The following ZNF782 variants were observed in gnomAD, a reference collection of about 807,000 sequenced individuals.
ZNF782 encodes zinc finger protein 782.
ZNF782 carries 12 observed loss-of-function variants against 13.0 expected under a neutral mutation model. That is an observed-to-expected ratio of 0.92 (90% CI 0.59 to 1.50). The LOEUF is 1.50. Among genes scored for constraint, ZNF782 ranks in the 40% most tolerant of loss-of-function variants. The pLI is 0.00. For synonymous variants in ZNF782, 284 were observed against 283.0 expected (o/e 1.00, Z -0.04); for missense variants, 770 against 822.9 (o/e 0.94, Z 0.79).
chr9:96,893,892 C>T, the ZNF782 span: 1 of 140,368 alleles, frequency 7.1e-6, no homozygotes, highest in Non-Finnish European at 1.5e-5. Flanking sequence ...CCCAGCTACT[C>T]GGGAGGCTGA....
chr9:96,896,642 T>C, the ZNF782 span, among the ~76,000 whole-genome samples: 1 of 152,166 alleles, frequency 6.6e-6, no homozygotes, highest in Non-Finnish European at 1.5e-5. Context: ...AGAGGCAACA[T>C]ATTCCTCAAT....
intron 4 of ZNF782, among the ~76,000 whole-genome samples, chr9:96,839,277 C>CTTTTTTT (rs201411107): frequency 1.5e-4 from 15 of 100,248 alleles, no homozygotes; most frequent in East Asian, 5.3e-4. Flanking sequence ...TTACTTGGGA[C>CTTTTTTT]TTTTTTTTTT....
At chr9:96,932,975 TTTC>T in the ZNF782 span, among the ~76,000 whole-genome samples, 59 of 146,950 alleles carry the variant, frequency 4.0e-4, 1 homozygote, top group East Asian at 0.013. Context: ...TTTCTTTTCT[TTTC>T]TTTTTTTTTT....
chr9:96,817,623 G>C lies in ZNF782; in HGVS notation c.*300C>G. On this transcript the variant is annotated 3_prime_UTR_variant, in exon 6 of 6. Transcript: ENST00000481138. ...ATTACTTTCTCAGAGCTTTTCTGCA[G>C]CGTGAGTTTTCTGAGGAGTGAGTTC... 1 of 261,736 alleles carries C rather than the reference G, an allele frequency of 3.8e-6. No individual in the cohort carries two copies. Among genetic ancestry groups the C allele is most frequent in the Non-Finnish European group, 7.1e-6 (1 of 140,508 alleles). The allele number at this position is 261,736 out of a possible 1,614,324, so 16.2% of individuals were successfully genotyped here.
the ZNF782 span, among the ~76,000 whole-genome samples, chr9:96,933,187 C>T: frequency 2.8e-3 from 411 of 145,760 alleles, 4 homozygotes; most frequent in African/African-American, 9.3e-3. Context: ...ACCATGTTAG[C>T]CAGGATGCTC....
chr9:96,816,164 T>C (rs1367165486), downstream of ZNF782, among the ~76,000 whole-genome samples: 1 of 152,128 alleles, frequency 6.6e-6, no homozygotes, highest in African/African-American at 2.4e-5. Flanking sequence ...GAGAAATATA[T>C]TGGTTGACAC....
chr9:96,822,249 G>A (rs142841230), intron 5 of ZNF782, among the ~76,000 whole-genome samples: 123 of 152,094 alleles, frequency 8.1e-4, no homozygotes, highest in Middle Eastern at 6.8e-3. Context: ...CACCTCTCCC[G>A]AGTGGCTTTG....
chr9:96,834,889 G>A (rs574013748), intron 4 of ZNF782, among the ~76,000 whole-genome samples: 73 of 152,300 alleles, frequency 4.8e-4, no homozygotes, highest in Middle Eastern at 3.4e-3. Context: ...TGAATGGAGC[G>A]TTAAGGGTGA....
the ZNF782 span, among the ~76,000 whole-genome samples, chr9:96,920,367 T>C: frequency 6.7e-6 from 1 of 149,552 alleles, no homozygotes; most frequent in African/African-American, 2.4e-5. Context: ...CCTGGGTTCA[T>C]GCCATTCTCC....
chr9:96,818,422 T>C lies in ZNF782; in HGVS notation c.1601A>G (p.Tyr534Cys), dbSNP rs750005258. 9 of 1,614,110 alleles carry C rather than the reference T, an allele frequency of 5.6e-6. No homozygotes were observed. Among genetic ancestry groups the C allele is most frequent in the Non-Finnish European group, 8.5e-7 (1 of 1,180,038 alleles). Residue 534 changes from tyrosine (Y) to cysteine (C), a missense_variant, in exon 6 of 6, where the codon TAC becomes TGC. Physicochemically the swap from Tyr to Cys is radical, Grantham distance 194. Transcript: ENST00000481138. ...HHRTHTGEKP[Y>C]KCNQCGKAFG... Reference sequence around the variant, plus strand: ...AGCTTTTCCACACTGATTACATTTGTAGGGCTTCTCCCCTGTGTGTGTTCT... The same window carrying C: ...AGCTTTTCCACACTGATTACATTTGCAGGGCTTCTCCCCTGTGTGTGTTCT...
At chr9:96,898,557 T>G in the ZNF782 span, among the ~76,000 whole-genome samples, 1 of 148,836 alleles carries the variant, frequency 6.7e-6, no homozygotes, top group African/African-American at 2.5e-5. Flanking sequence ...TCCTTTTTTC[T>G]TTTCTTTGAG....
intron 2 of ZNF782, 82 bp from the exon 3 acceptor site, chr9:96,852,087 A>G: frequency 1.1e-6 from 1 of 883,586 alleles, no homozygotes; most frequent in Non-Finnish European, 1.8e-6. Flanking sequence ...TCAGCAACCC[A>G]GTTGGAGAGC....
intron 5 of ZNF782, among the ~76,000 whole-genome samples, chr9:96,823,597 G>C (rs551475058): frequency 8.5e-5 from 13 of 152,290 alleles, no homozygotes; most frequent in African/African-American, 2.9e-4. Context: ...AAGAGATAAA[G>C]TATAGGGTAA....
At chr9:96,872,306 G>A (rs545982478) in intron 1 of ZNF782, among the ~76,000 whole-genome samples, 43 of 152,284 alleles carry the variant, frequency 2.8e-4, no homozygotes, top group African/African-American at 9.1e-4. Flanking sequence ...GCCAAGGCAG[G>A]TAGTTCAGAA....
chr9:96,842,207 G>A lies in ZNF782; in HGVS notation c.142+2683C>T, dbSNP rs529583498. 3.9e-5 allele frequency among the ~76,000 whole-genome samples: 6 copies of A among 152,034 alleles called. No homozygotes were observed. In the South Asian group the frequency reaches 1.0e-3, roughly 26 times the overall value. On this transcript the variant is annotated intron_variant, in intron 4 of 5. Coordinates refer to ENST00000481138, the MANE Select transcript of ZNF782 (RefSeq NM_001001662.3). Reference sequence around the variant, plus strand: ...AGAAATCAAGATCTAAGTAAATGGAGAAATATATTGTGTTTATGGATTATA... The same window carrying A: ...AGAAATCAAGATCTAAGTAAATGGAAAAATATATTGTGTTTATGGATTATA...
At chr9:96,904,048 G>GT in the ZNF782 span, among the ~76,000 whole-genome samples, 1 of 150,304 alleles carries the variant, frequency 6.7e-6, no homozygotes, top group Admixed American at 6.6e-5. Flanking sequence ...GGTCAGGTCA[G>GT]TTTTTCTATT....
At chr9:96,889,404 T>G in the ZNF782 span, 4 of 124,902 alleles carry the variant, frequency 3.2e-5, no homozygotes, top group African/African-American at 1.7e-4. Context: ...CAAAACTAAT[T>G]TTTTTTTTTT....
intron 1 of ZNF782, among the ~76,000 whole-genome samples, chr9:96,871,119 G>A (rs892561624): frequency 4.6e-5 from 7 of 152,094 alleles, no homozygotes; most frequent in African/African-American, 1.4e-4. Flanking sequence ...CAAGCAACAT[G>A]GTGATCCAGT....
chr9:96,879,253 C>T (rs1169233755), upstream of ZNF782, among the ~76,000 whole-genome samples: 1 of 152,198 alleles, frequency 6.6e-6, no homozygotes, highest in Admixed American at 6.5e-5. Flanking sequence ...CTTTGGGAGG[C>T]TTAGGCGGGC....
Sources: allele counts gnomAD v4.1 joint callset (sites outside exome capture counted in the v4.1 genomes callset), GRCh38; gene constraint gnomAD v4.1.1; transcripts MANE v1.5; gene names NCBI Gene and HGNC (gene_info 2026-07-23, HGNC 2026-07-21).